Variants in SYT17 observed in about 807,000 individuals in gnomAD.
SYT17 encodes the protein synaptotagmin-17.
SYT17 carries 22 observed loss-of-function variants against 46.7 expected under a neutral mutation model. The observed-to-expected ratio is 0.47, with a 90% CI of 0.34 to 0.67. The LOEUF (loss-of-function observed/expected upper bound fraction) is 0.67, where lower values mean the gene tolerates loss of function less well. Ranked by LOEUF, SYT17 falls within the 30% of genes least tolerant of loss-of-function variation. The probability of loss-of-function intolerance (pLI) is 0.01; values close to 1 mark genes in which losing one functional copy is unlikely to be tolerated. For missense variants in SYT17, 519 were observed against 612.8 expected, an observed-to-expected ratio of 0.85 and a Z score of 1.62; for synonymous variants, 251 against 248.4, an observed-to-expected ratio of 1.01 and a Z score of -0.10.
At chr16:19,238,941 C>T (rs1009708801) in intron 7 of SYT17, among the ~76,000 whole-genome samples, 1 of 152,186 alleles carries the variant, frequency 6.6e-6, no homozygotes, top group African/African-American at 2.4e-5. Context: ...TTCTGACTTT[C>T]CCAACCCAGA....
intron 5 of SYT17, chr16:19,211,342 C>T: frequency 1.0e-5 from 7 of 691,518 alleles, no homozygotes; most frequent in Non-Finnish European, 1.9e-5. Flanking sequence ...GGTGTGGCAG[C>T]AGCTCAGCCT....
intron 5 of SYT17, among the ~76,000 whole-genome samples, chr16:19,210,456 AT>A (rs200757346): frequency 9.6e-5 from 14 of 146,002 alleles, no homozygotes; most frequent in African/African-American, 1.5e-4. Flanking sequence ...ATCTAAGGGT[AT>A]TTTTTTTTAA....
At chr16:19,243,974 T>G (rs1967339953) in intron 7 of SYT17, among the ~76,000 whole-genome samples, 1 of 152,150 alleles carries the variant, frequency 6.6e-6, no homozygotes, top group East Asian at 1.9e-4. Flanking sequence ...AGTTATTAAG[T>G]GTGGCTTGGA....
At chr16:19,185,327 C>T (rs953262429) in intron 5 of SYT17, among the ~76,000 whole-genome samples, 1 of 152,218 alleles carries the variant, frequency 6.6e-6, no homozygotes, top group African/African-American at 2.4e-5. Context: ...TGGCTTACGC[C>T]TGTAATCCCA....
At position 19,245,692 on chromosome 16, in the gene SYT17, C is replaced by T. The variant is rs192937480; in HGVS notation, c.1228+20854C>T. On this transcript the variant is annotated intron_variant, in intron 7 of 7. Transcript: ENST00000355377. ...GCTTCCCTGTCTCCACCCATAAAAA[C>T]GTAGGCAAACAGAAATACCTTGCTC... Among the ~76,000 whole-genome samples the T allele has an allele frequency of 2.5e-3, 384 of 152,266 alleles. 1 individual carries two copies. Among genetic ancestry groups the T allele is most frequent in the Non-Finnish European group, 4.3e-3 (293 of 68,028 alleles).
chr16:19,222,542 A>G (rs1359556366), intron 5 of SYT17, among the ~76,000 whole-genome samples: 2 of 152,110 alleles, frequency 1.3e-5, no homozygotes, highest in Non-Finnish European at 2.9e-5. Context: ...GTTCCTCTGC[A>G]GGGCATTCTA....
rs1027148779 is a variant in SYT17 at position 19,183,979 on chromosome 16, C to G, written c.783C>G (p.Thr261=). ...AGCCCGTGTTTGAGGAGCGCTACACCTTCGAGATCCCCTTCCTGGAGGCCC... is the reference window on the plus strand; with the variant it reads ...AGCCCGTGTTTGAGGAGCGCTACACGTTCGAGATCCCCTTCCTGGAGGCCC... ...TQKPVFEERY[T]FEIPFLEAQR... is the part of the protein sequence containing the mutation. Residue 261 remains threonine (T), a synonymous_variant, in exon 5 of 8, where the codon ACC becomes ACG. Coordinates refer to ENST00000355377, the MANE Select transcript of SYT17 (RefSeq NM_016524.4). This position sits in a 1 kb window ranked among gnomAD's most constrained non-coding sequence, Gnocchi z 5.6. The G allele has an allele frequency of 6.2e-7, 1 of 1,614,076 alleles. No individual in the cohort carries two copies. Among genetic ancestry groups the G allele is most frequent in the Non-Finnish European group, 8.5e-7 (1 of 1,180,052 alleles).
At chr16:19,241,265 C>T (rs2142962925) in intron 7 of SYT17, among the ~76,000 whole-genome samples, 1 of 145,248 alleles carries the variant, frequency 6.9e-6, no homozygotes, top group Middle Eastern at 3.5e-3. Context: ...TCAGTTCTGA[C>T]TTTGCTCCGA....
At chr16:19,250,864 A>T (rs1019538011) in intron 7 of SYT17, among the ~76,000 whole-genome samples, 6 of 152,162 alleles carry the variant, frequency 3.9e-5, no homozygotes, top group Non-Finnish European at 7.3e-5. Context: ...ATTCCCTCAT[A>T]GCCCATGTCA....
chr16:19,170,886 A>G (rs552112883), intron 1 of SYT17: 3 of 152,210 alleles, frequency 2.0e-5, no homozygotes, highest in Admixed American at 6.5e-5. Context: ...GGGTTCCACT[A>G]GGTCTTGACA....
At chr16:19,218,844 A>G (rs1368449130) in intron 5 of SYT17, among the ~76,000 whole-genome samples, 1 of 152,112 alleles carries the variant, frequency 6.6e-6, no homozygotes, top group Admixed American at 6.5e-5. Flanking sequence ...CTTTGAACAC[A>G]CTGACTGAGT....
chr16:19,243,469 G>A (rs1364757469), intron 7 of SYT17, among the ~76,000 whole-genome samples: 1 of 152,120 alleles, frequency 6.6e-6, no homozygotes, highest in African/African-American at 2.4e-5. Flanking sequence ...GGTCACCCTT[G>A]CCTTCTTGGT....
intron 5 of SYT17, among the ~76,000 whole-genome samples, chr16:19,219,633 G>A (rs1459182046): frequency 6.6e-6 from 1 of 152,090 alleles, no homozygotes; most frequent in Non-Finnish European, 1.5e-5. Context: ...TCAAGATATA[G>A]CATATTGCTA....
chr16:19,251,366 A>G (rs1226028570), intron 7 of SYT17, among the ~76,000 whole-genome samples: 1 of 152,208 alleles, frequency 6.6e-6, no homozygotes, highest in Non-Finnish European at 1.5e-5. Context: ...AACCCACAGT[A>G]TAGGTTAAGG....
intron 7 of SYT17, among the ~76,000 whole-genome samples, chr16:19,235,088 C>G (rs577887159): frequency 5.3e-5 from 8 of 152,252 alleles, no homozygotes; most frequent in Non-Finnish European, 1.0e-4. Context: ...AGCGCCAGAT[C>G]AGTCATGGGA....
chr16:19,192,032 T>C (rs948647425), intron 5 of SYT17, among the ~76,000 whole-genome samples: 5 of 152,208 alleles, frequency 3.3e-5, no homozygotes, highest in Admixed American at 1.3e-4. Context: ...GATCTGCCCA[T>C]CTTGGCTCCC....
chr16:19,223,877 T>C (rs1183752196), intron 6 of SYT17, among the ~76,000 whole-genome samples: 2 of 152,198 alleles, frequency 1.3e-5, no homozygotes, highest in Non-Finnish European at 2.9e-5. Flanking sequence ...AGTTTCAGAC[T>C]CACCACGATG....
At chr16:19,231,353 C>G (rs1255577257) in intron 7 of SYT17, among the ~76,000 whole-genome samples, 1 of 151,754 alleles carries the variant, frequency 6.6e-6, no homozygotes, top group Non-Finnish European at 1.5e-5. Context: ...GGTGGATCAC[C>G]TGAGGTCAGG....
chr16:19,248,279 A>C (rs1333925854), intron 7 of SYT17, among the ~76,000 whole-genome samples: 1 of 152,230 alleles, frequency 6.6e-6, no homozygotes, highest in Non-Finnish European at 1.5e-5. Context: ...GTGGGAATGC[A>C]AGATGCTACA....
Sources: gnomAD v4.1 joint callset for allele counts (sites outside exome capture counted in the v4.1 genomes callset) on GRCh38, gnomAD v4.1.1 for gene constraint, Gnocchi (gnomAD v3.1) non-coding constraint, MANE v1.5 for transcripts, NCBI Gene and HGNC (gene_info 2026-07-23, HGNC 2026-07-21) for gene names.